Variants in KREMEN2 observed in about 807,000 individuals in gnomAD.
KREMEN2 encodes the protein kremen protein 2.
A neutral mutation model predicts 49.8 loss-of-function variants in KREMEN2; 43 were observed. The observed-to-expected ratio is 0.86, with a 90% CI of 0.68 to 1.11. KREMEN2 has a LOEUF of 1.11. KREMEN2 is among the 50% of genes most tolerant of loss of function. KREMEN2 has a pLI of 0.00. For synonymous variants in KREMEN2, 355 were observed against 304.9 expected (o/e 1.16, Z -1.71); for missense variants, 686 against 665.7 (o/e 1.03, Z -0.34).
At position 2,966,860 on chromosome 16, in the gene KREMEN2, A is replaced by G; in HGVS notation, c.641-50A>G. ...GAGGTGGGGCCTGGCCGGGCAGGGG[A>G]GCCGCCGTGTCCTGGTCCTCAGGAT... On this transcript the variant is annotated intron_variant, in intron 5 of 8. Transcript: ENST00000303746. The surrounding 1 kb of genome is among the most constrained non-coding windows in gnomAD (Gnocchi z 8.4). 6.4e-7 allele frequency: 1 copy of G among 1,571,572 alleles called. No individual in the cohort carries two copies.
Position 2,967,927 on chromosome 16 carries a change from CG to C in KREMEN2, c.1300del (p.Asp434ThrfsTer14). The stretch of plus-strand genomic sequence containing the variant: ...GAGGGGTGGCCTTGCCCTGCTCCCC[CG>C]GGGACCCCCAGGCTGAGGGTTCTGC... ...PRGVALPCSP[G>X]DPQAEGSAAG... On this transcript the variant is annotated frameshift_variant, in exon 9 of 9. Coordinates refer to ENST00000303746, the MANE Select transcript of KREMEN2 (RefSeq NM_172229.3). LOFTEE classifies it high-confidence loss of function. 2.5e-6 allele frequency: 4 copies of C among 1,578,436 alleles called. No homozygotes were observed. The highest frequency in any genetic ancestry group is 1.2e-5 in the South Asian group (1 of 86,454).
chr16:2,965,180 AGGGGC>A (rs1270479924), intron 2 of KREMEN2, 147 bp downstream of exon 2: 12 of 3,518 alleles, frequency 3.4e-3, no homozygotes, highest in East Asian at 0.029. Context: ...GGCCAGAATG[AGGGGC>A]GGGGCGGGGC....
In KREMEN2 at chr16:2,964,463, C is replaced by T. The variant is rs1351446717; in HGVS notation, c.-58C>T. 5 of 1,332,518 alleles carry T rather than the reference C, an allele frequency of 3.8e-6. No homozygotes were observed. The East Asian group carries it at 7.6e-5, about 20-fold the overall frequency. The allele number at this position is 1,332,518 out of a possible 1,614,324, so 82.5% of individuals were successfully genotyped here. A position where few individuals can be genotyped will look rare whatever the true frequency, so the allele number is the denominator to read the frequency against. Reference sequence around the variant, plus strand: ...GGTCTCCTGGGAGACCCCGAAGCGACCCCGGGGGCAGCCCGGGCCGTGTCC... The same window carrying T: ...GGTCTCCTGGGAGACCCCGAAGCGATCCCGGGGGCAGCCCGGGCCGTGTCC... On this transcript the variant is annotated 5_prime_UTR_variant, in exon 1 of 9. Coordinates refer to ENST00000303746, the MANE Select transcript of KREMEN2 (RefSeq NM_172229.3).
At position 2,964,842 on chromosome 16, in the gene KREMEN2, C is replaced by T. The variant is rs965881186; in HGVS notation, c.95-17C>T. The T allele has an allele frequency of 3.1e-6, 5 of 1,609,588 alleles. No individual in the cohort carries two copies. The highest frequency in any genetic ancestry group is 2.7e-5 in the African/African-American group (2 of 74,592). ...GCGTGGGTCCGGACCTCCCCAGGCC[C>T]TGCCTTTGCCGTGCAGGCCTGTCCG... On this transcript the variant is annotated splice_polypyrimidine_tract_variant and intron_variant, in intron 1 of 8. Coordinates refer to ENST00000303746, the MANE Select transcript of KREMEN2 (RefSeq NM_172229.3).
In KREMEN2 at chr16:2,968,011, C is replaced by T. The variant is rs1420686466; in HGVS notation, c.1380C>T (p.Ser460=). Residue 460 remains serine, a synonymous_variant, in exon 9 of 9, where the codon TCC becomes TCT. Transcript: ENST00000303746. Reference sequence around the variant, plus strand: ...AGAGCTCCCTGCGCTCGCTCATCTCCGCTCTCTGACTCTGGGCCCCGAGGG... The same window carrying T: ...AGAGCTCCCTGCGCTCGCTCATCTCTGCTCTCTGACTCTGGGCCCCGAGGG... ...SSQSSLRSLI[S]AL is the part of the protein sequence containing the mutation. 2 of 1,558,672 alleles carry T rather than the reference C, an allele frequency of 1.3e-6. No homozygotes were observed. The highest frequency in any genetic ancestry group is 1.9e-5 in the Admixed American group (1 of 53,528).
chr16:2,967,137 CG>C lies in KREMEN2; in HGVS notation c.869del (p.Arg290ProfsTer63). ...GSLLRAFDGA[R>X]PPPSGPLRLG... ...CCTGCTCCGCGCCTTCGATGGCGCC[CG>C]CCCACCGCCGTCCGGGCCGCTGCGC... On this transcript the variant is annotated frameshift_variant, in exon 6 of 9. Coordinates refer to ENST00000303746, the MANE Select transcript of KREMEN2 (RefSeq NM_172229.3). LOFTEE classifies it high-confidence loss of function. 1 of 1,400,088 alleles carries C rather than the reference CG, an allele frequency of 7.1e-7. No individual in the cohort carries two copies. The highest frequency in any genetic ancestry group is 9.2e-7 in the Non-Finnish European group (1 of 1,085,424). 86.7% of individuals were successfully genotyped at this position (1,400,088 alleles called of 1,614,324 possible).
Position 2,964,902 on chromosome 16 carries a change from C to T in KREMEN2, c.138C>T (p.Gly46=). 3 of 1,609,938 alleles carry T rather than the reference C, an allele frequency of 1.9e-6. No homozygotes were observed. Among genetic ancestry groups the T allele is most frequent in the Non-Finnish European group, 2.5e-6 (3 of 1,178,694 alleles). The change falls in exon 2 of 9, where the codon GGC becomes GGT. Residue 46 remains glycine (G), a synonymous_variant. Coordinates refer to ENST00000303746, the MANE Select transcript of KREMEN2 (RefSeq NM_172229.3). ...AGGTGAATGGGGCTGACTACCGCGG[C>T]CACCAGAACCGCACTGGCCCGCGCG... ...CFQVNGADYR[G]HQNRTGPRGA...
In KREMEN2 at chr16:2,966,837, G is replaced by A. The variant is rs1229644792; in HGVS notation, c.640+42G>A. The A allele has an allele frequency of 1.3e-6, 2 of 1,594,150 alleles. No homozygotes were observed. Among genetic ancestry groups the A allele is most frequent in the Non-Finnish European group, 1.7e-6 (2 of 1,171,258 alleles). ...GACCAGGGGCCTGGGCGGGCCTCGA[G>A]GTGGGGCCTGGCCGGGCAGGGGAGC... On this transcript the variant is annotated intron_variant, in intron 5 of 8. Coordinates refer to ENST00000303746, the MANE Select transcript of KREMEN2 (RefSeq NM_172229.3). The surrounding 1 kb of genome is among the most constrained non-coding windows in gnomAD (Gnocchi z 8.4).
chr16:2,967,201 A>G lies in KREMEN2; in HGVS notation c.932A>G (p.Asp311Gly). 7.4e-7 allele frequency: 1 copy of G among 1,357,266 alleles called. No individual in the cohort carries two copies. The highest frequency in any genetic ancestry group is 9.4e-7 in the Non-Finnish European group (1 of 1,064,118). The allele number at this position is 1,357,266 out of a possible 1,614,324, so 84.1% of individuals were successfully genotyped here. A position where few individuals can be genotyped will look rare whatever the true frequency, so the allele number is the denominator to read the frequency against. The part of the protein sequence containing the change: ...TAALLLTFRS[D>G]ARGHAQGFAL... ...GCGCTGCTGCTCACCTTCCGAAGCG[A>G]CGCGCGCGGCCACGCGCAAGGCTTC... Residue 311 changes from aspartate to glycine, a missense_variant, in exon 6 of 9, where the codon GAC (aspartate) becomes GGC (glycine). Coordinates refer to ENST00000303746, the MANE Select transcript of KREMEN2 (RefSeq NM_172229.3).
chr16:2,966,722 C>T lies in KREMEN2; in HGVS notation c.567C>T (p.Thr189=). Residue 189 remains threonine, a synonymous_variant, in exon 5 of 9, where the codon ACC becomes ACT. Coordinates refer to ENST00000303746, the MANE Select transcript of KREMEN2 (RefSeq NM_172229.3). The surrounding 1 kb of genome is among the most constrained non-coding windows in gnomAD (Gnocchi z 8.4). Reference sequence around the variant, plus strand: ...CCCGGGGACGCCTGGCCCCCGCCACCGACTGTGACCAGATCTGTTTCGGCC... The same window carrying T: ...CCCGGGGACGCCTGGCCCCCGCCACTGACTGTGACCAGATCTGTTTCGGCC... ...DLARGRLAPA[T]DCDQICFGHP... 1 of 1,611,910 alleles carries T rather than the reference C, an allele frequency of 6.2e-7. No homozygotes were observed. The highest frequency in any genetic ancestry group is 8.5e-7 in the Non-Finnish European group (1 of 1,179,896).
rs1484969895 is a variant in KREMEN2, at chr16:2,966,651, G to A, written c.496G>A (p.Val166Met). ...CAGTCTGTGCTCCCAGCTGGCGGGC[G>A]TGGAGGCCGGTTACGCCTGCTTCTG... is the stretch of plus-strand genomic sequence containing the variant. The part of the protein sequence containing the change: ...CRMKGYQLAG[V>M]EAGYACFCGS... The change falls in exon 5 of 9, where the codon GTG (valine) becomes ATG (methionine). Residue 166 changes from valine to methionine, a missense_variant. Val to Met is a conservative substitution (Grantham distance 21). Transcript: ENST00000303746. The surrounding 1 kb of genome is among the most constrained non-coding windows in gnomAD (Gnocchi z 8.4). 16 of 1,609,840 alleles carry A rather than the reference G, an allele frequency of 9.9e-6. No individual in the cohort carries two copies. The highest frequency in any genetic ancestry group is 1.4e-5 in the Non-Finnish European group (16 of 1,179,904).
In KREMEN2 at chr16:2,968,353, G is replaced by A. The variant is rs1475093832; in HGVS notation, c.*333G>A. The A allele has an allele frequency of 6.5e-7, 1 of 1,535,396 alleles. No individual in the cohort carries two copies. Among genetic ancestry groups the A allele is most frequent in the Non-Finnish European group, 8.7e-7 (1 of 1,146,576 alleles). ...CAAAAACAGTCAAAAAACCCCCACA[G>A]ATTTTGAATAAAGGATCTACTTTGG... On this transcript the variant is annotated 3_prime_UTR_variant, in exon 9 of 9. Transcript: ENST00000303746.
rs1359891338 is a variant in KREMEN2, at chr16:2,966,833, T to C, written c.640+38T>C. Reference sequence around the variant, plus strand: ...CGGGGACCAGGGGCCTGGGCGGGCCTCGAGGTGGGGCCTGGCCGGGCAGGG... The same window carrying C: ...CGGGGACCAGGGGCCTGGGCGGGCCCCGAGGTGGGGCCTGGCCGGGCAGGG... On this transcript the variant is annotated intron_variant, in intron 5 of 8. Transcript: ENST00000303746. This position sits in a 1 kb window ranked among gnomAD's most constrained non-coding sequence, Gnocchi z 8.4. 8.8e-6 allele frequency: 14 copies of C among 1,596,724 alleles called. No individual in the cohort carries two copies. Among genetic ancestry groups the C allele is most frequent in the Non-Finnish European group, 2.6e-6 (3 of 1,172,262 alleles).
At chr16:2,965,598 C>T (rs149431000) in intron 2 of KREMEN2, among the ~76,000 whole-genome samples, 1 of 152,100 alleles carries the variant, frequency 6.6e-6, no homozygotes, top group African/African-American at 2.4e-5. Flanking sequence ...GGTGAAACCC[C>T]ATTTCTACTA....
At position 2,966,194 on chromosome 16, in the gene KREMEN2, C is replaced by G. The variant is rs1397971616; in HGVS notation, c.324C>G (p.Gly108=). 4.3e-6 allele frequency: 7 copies of G among 1,612,758 alleles called. No individual in the cohort carries two copies. In the African/African-American group the frequency reaches 9.3e-5, roughly 22 times the overall value. ...GCTACGTGGCTGAGACAGAGGAGGG[C>G]ATCTACTGGCGCTACTGCGACATCC... is the stretch of plus-strand genomic sequence containing the variant. ...PWCYVAETEE[G]IYWRYCDIPS... is the part of the protein sequence containing the mutation. The change falls in exon 3 of 9, where the codon GGC becomes GGG. Residue 108 remains glycine (G), a synonymous_variant. Transcript: ENST00000303746. This position sits in a 1 kb window ranked among gnomAD's most constrained non-coding sequence, Gnocchi z 8.4.
At position 2,966,319 on chromosome 16, in the gene KREMEN2, C is replaced by A. The variant is rs748651966; in HGVS notation, c.362-6C>A. On this transcript the variant is annotated splice_polypyrimidine_tract_variant and splice_region_variant and intron_variant, in intron 3 of 8. Transcript: ENST00000303746. The surrounding 1 kb of genome is among the most constrained non-coding windows in gnomAD (Gnocchi z 8.4). ...GAGTCACGGAAGTCTGACTCTGCCC[C>A]CTCAGTGCCAGGCTACCTGGGATGC... 2.5e-6 allele frequency: 4 copies of A among 1,612,460 alleles called. No individual in the cohort carries two copies. The highest frequency in any genetic ancestry group is 3.4e-6 in the Non-Finnish European group (4 of 1,179,992).
chr16:2,967,843 G>C lies in KREMEN2; in HGVS notation c.1212G>C (p.Pro404=). ...TGCTGGCTCCGGGAAAAGGGCCCCCGGCGCTGGGGGCTTCCAGGGGCCCCA... is the reference window on the plus strand; with the variant it reads ...TGCTGGCTCCGGGAAAAGGGCCCCCCGCGCTGGGGGCTTCCAGGGGCCCCA... ...SCLLAPGKGP[P]ALGASRGPRR... The change falls in exon 9 of 9, where the codon CCG becomes CCC. Residue 404 remains proline (P), a synonymous_variant. Transcript: ENST00000303746. 6.4e-7 allele frequency: 1 copy of C among 1,551,780 alleles called. No homozygotes were observed. The highest frequency in any genetic ancestry group is 1.2e-5 in the South Asian group (1 of 84,224).
At chr16:2,965,113 C>A in intron 2 of KREMEN2, 80 bp downstream of exon 2, 2 of 912,900 alleles carry the variant, frequency 2.2e-6, no homozygotes, top group Non-Finnish European at 2.6e-6. Context: ...TCCGTGCGGG[C>A]GGGGTGGAGG....
Position 2,968,192 on chromosome 16 carries a change from C to A in KREMEN2, c.*172C>A. 2.2e-6 allele frequency: 2 copies of A among 919,428 alleles called. No homozygotes were observed. Among genetic ancestry groups the A allele is most frequent in the Non-Finnish European group, 3.3e-6 (2 of 599,542 alleles). 57.0% of individuals were successfully genotyped at this position (919,428 alleles called of 1,614,324 possible). A position where few individuals can be genotyped will look rare whatever the true frequency, so the allele number is the denominator to read the frequency against. ...TCTGGTGCTATTATCTGGGACTTGG[C>A]CTGACCGTGGGGGTCCAGATGGTCC... is the stretch of plus-strand genomic sequence containing the variant. On this transcript the variant is annotated 3_prime_UTR_variant, in exon 9 of 9. Transcript: ENST00000303746.
Sources: allele counts gnomAD v4.1 joint callset (sites outside exome capture counted in the v4.1 genomes callset), GRCh38; gene constraint gnomAD v4.1.1; non-coding constraint Gnocchi (gnomAD v3.1); transcripts MANE v1.5; gene names NCBI Gene and HGNC (gene_info 2026-07-23, HGNC 2026-07-21).